Variants in GPR89A observed in about 807,000 individuals in gnomAD.
GPR89A encodes G protein-coupled receptor 89A.
A neutral mutation model predicts 52.0 loss-of-function variants in GPR89A; 16 were observed. The ratio of observed to expected loss-of-function variants is 0.31; its 90% CI spans 0.21 to 0.47. The LOEUF (loss-of-function observed/expected upper bound fraction) is 0.47, where lower values mean the gene tolerates loss of function less well. Among genes scored for constraint, GPR89A ranks in the 20% least tolerant of loss-of-function variants. The pLI, the probability that GPR89A is intolerant of heterozygous loss-of-function variation, is 1.00. For missense variants in GPR89A, 135 were observed against 449.4 expected (o/e 0.30, Z 6.33); for synonymous variants, 55 against 150.9 (o/e 0.36, Z 4.66).
In GPR89A at chr1:145,608,075, A is replaced by C. The variant is rs1216758900; in HGVS notation, c.-59A>C. ...ACCGTGTGAGGGGGCCTGTGGCCCCAGCGTGCTGTGGCCTCGGGGAGTGGG... is the reference window on the plus strand; with the variant it reads ...ACCGTGTGAGGGGGCCTGTGGCCCCCGCGTGCTGTGGCCTCGGGGAGTGGG... On this transcript the variant is annotated 5_prime_UTR_variant, in exon 1 of 14. Transcript: ENST00000313835. The C allele has an allele frequency of 6.2e-6, 10 of 1,607,126 alleles. No homozygotes were observed. The highest frequency in any genetic ancestry group is 7.7e-6 in the Non-Finnish European group (9 of 1,174,654).
chr1:145,659,174 CT>C (rs1245139079), intron 10 of GPR89A, among the ~76,000 whole-genome samples: 3 of 151,518 alleles, frequency 2.0e-5, no homozygotes, highest in Admixed American at 1.3e-4. Flanking sequence ...TATGTTTAAC[CT>C]TTTTATTTAT....
At chr1:145,616,372 A>T (rs1332517513) in intron 2 of GPR89A, 79 bp downstream of exon 2, 8 of 1,160,548 alleles carry the variant, frequency 6.9e-6, no homozygotes, top group Non-Finnish European at 1.0e-5. Context: ...AAGAAACATT[A>T]TGTTCATTTC....
chr1:145,658,227 C>G (rs1651946735), intron 10 of GPR89A, among the ~76,000 whole-genome samples: 1 of 151,644 alleles, frequency 6.6e-6, no homozygotes, highest in South Asian at 2.1e-4. Flanking sequence ...AGAGACGAGT[C>G]TCACTATATT....
At chr1:145,621,075 G>T (rs587755636) in intron 3 of GPR89A, among the ~76,000 whole-genome samples, 30 of 152,078 alleles carry the variant, frequency 2.0e-4, no homozygotes, top group African/African-American at 7.2e-4. Context: ...AGTCTAAATG[G>T]TATTCACTCC....
chr1:145,654,426 G>A (rs782440441), intron 10 of GPR89A, among the ~76,000 whole-genome samples: 4 of 151,526 alleles, frequency 2.6e-5, no homozygotes, highest in Admixed American at 6.6e-5. Context: ...GGTGGCAGGC[G>A]CCTGTAGTCC....
At chr1:145,637,635 A>C (rs1650341154) in intron 7 of GPR89A, among the ~76,000 whole-genome samples, 1 of 149,926 alleles carries the variant, frequency 6.7e-6, no homozygotes, top group East Asian at 2.0e-4. Flanking sequence ...CAGCCAATAG[A>C]TACTAACTCC....
intron 1 of GPR89A, among the ~76,000 whole-genome samples, chr1:145,609,149 G>T (rs1397862200): frequency 6.6e-6 from 1 of 152,198 alleles, no homozygotes; most frequent in Non-Finnish European, 1.5e-5. Context: ...TTTTGTGTGT[G>T]TGTGGTTGTT....
chr1:145,640,964 C>G (rs1157652906), intron 7 of GPR89A, among the ~76,000 whole-genome samples: 1 of 151,254 alleles, frequency 6.6e-6, no homozygotes, highest in Non-Finnish European at 1.5e-5. Context: ...TCGAGATAAT[C>G]ACTACACACC....
intron 12 of GPR89A, among the ~76,000 whole-genome samples, chr1:145,668,534 TC>T (rs1248852434): frequency 2.6e-5 from 4 of 152,170 alleles, no homozygotes; most frequent in African/African-American, 7.2e-5. Flanking sequence ...CAATTTGACT[TC>T]CTCTTTTTCT....
intron 1 of GPR89A, among the ~76,000 whole-genome samples, chr1:145,612,869 G>T (rs1648400099): frequency 6.6e-6 from 1 of 151,826 alleles, no homozygotes. Context: ...TCTCCCTAGA[G>T]TAATTTGCAT....
chr1:145,663,782 A>T (rs1164997119), intron 11 of GPR89A, among the ~76,000 whole-genome samples: 1 of 152,164 alleles, frequency 6.6e-6, no homozygotes, highest in East Asian at 1.9e-4. Context: ...TGTGATTCTT[A>T]TTAAGCTCTT....
At position 145,608,386 on chromosome 1, in the gene GPR89A, C is replaced by T. The variant is rs140484647; in HGVS notation, c.42+211C>T. On this transcript the variant is annotated intron_variant, in intron 1 of 13. Transcript: ENST00000313835. ...GAGACTGGCCTGCGGCCGTCCGCGTCCCCACCCGGCATCCATCCCCGGAAT... is the reference window on the plus strand; with the variant it reads ...GAGACTGGCCTGCGGCCGTCCGCGTTCCCACCCGGCATCCATCCCCGGAAT... 3,246 of 926,880 alleles carry T rather than the reference C, an allele frequency of 3.5e-3. 63 individuals carry two copies. The African/African-American group carries it at 0.048, about 14-fold the overall frequency. The allele number at this position is 926,880 out of a possible 1,614,324, so 57.4% of individuals were successfully genotyped here. A position where few individuals can be genotyped will look rare whatever the true frequency, so the allele number is the denominator to read the frequency against.
intron 5 of GPR89A, 106 bp from the exon 6 acceptor site, chr1:145,630,577 GAGTT>G: frequency 1.1e-6 from 1 of 945,396 alleles, no homozygotes; most frequent in South Asian, 1.5e-5. Flanking sequence ...TGGCTTGTAT[GAGTT>G]AGTTATGTGT....
At chr1:145,646,511 T>C (rs2101806767) in intron 9 of GPR89A, 1 of 477,982 alleles carries the variant, frequency 2.1e-6, no homozygotes, top group East Asian at 3.8e-5. Flanking sequence ...AGAAGAGGCT[T>C]TTCAACATTT....
chr1:145,634,002 C>T (rs1650046533), intron 7 of GPR89A, among the ~76,000 whole-genome samples: 2 of 151,304 alleles, frequency 1.3e-5, no homozygotes, highest in African/African-American at 4.9e-5. Context: ...GAAGTCTACA[C>T]AAATAAATGG....
In GPR89A at chr1:145,616,326, A is replaced by C. The variant is rs781829667; in HGVS notation, c.102+33A>C. 5.7e-6 allele frequency: 9 copies of C among 1,575,002 alleles called. No homozygotes were observed. In the Admixed American group the frequency reaches 1.6e-4, roughly 28 times the overall value. On this transcript the variant is annotated intron_variant, in intron 2 of 13. Transcript: ENST00000313835. ...GAAATCATTTTGTCATACTTACACTATATGATTTAGATTGACAAGAAAAAT... is the reference window on the plus strand; with the variant it reads ...GAAATCATTTTGTCATACTTACACTCTATGATTTAGATTGACAAGAAAAAT...
At chr1:145,641,424 ACT>A (rs1197301036) in intron 7 of GPR89A, among the ~76,000 whole-genome samples, 1 of 151,308 alleles carries the variant, frequency 6.6e-6, no homozygotes. Flanking sequence ...CCGTATTGTG[ACT>A]CTATCAATGT....
At chr1:145,650,964 G>GT (rs1651410493) in intron 10 of GPR89A, among the ~76,000 whole-genome samples, 1 of 151,384 alleles carries the variant, frequency 6.6e-6, no homozygotes. Context: ...CCTGATGATA[G>GT]TTTCTTTAGC....
intron 10 of GPR89A, among the ~76,000 whole-genome samples, chr1:145,659,884 T>C (rs1553695265): frequency 6.8e-6 from 1 of 147,728 alleles, no homozygotes; most frequent in African/African-American, 2.6e-5. Context: ...TTTCATGATA[T>C]TGATTCTTCC....
Sources: allele counts gnomAD v4.1 joint callset (sites outside exome capture counted in the v4.1 genomes callset), GRCh38; gene constraint gnomAD v4.1.1; transcripts MANE v1.5; gene names NCBI Gene and HGNC (gene_info 2026-07-23, HGNC 2026-07-21).